The following PLEKHS1 variants were observed in gnomAD, a reference collection of about 807,000 sequenced individuals.
PLEKHS1 encodes pleckstrin homology domain-containing family S member 1.
A neutral mutation model predicts 51.0 loss-of-function variants in PLEKHS1; 55 were observed. The ratio of observed to expected loss-of-function variants is 1.08; its 90% CI spans 0.87 to 1.35. The LOEUF is 1.35. PLEKHS1 is among the 40% of genes most tolerant of loss of function. PLEKHS1 has a pLI of 0.00. For missense variants in PLEKHS1, 398 were observed against 423.0 expected, an observed-to-expected ratio of 0.94 and a Z score of 0.52; for synonymous variants, 153 against 144.8, an observed-to-expected ratio of 1.06 and a Z score of -0.41.
downstream of PLEKHS1, chr10:113,783,411 T>A (rs1301394014): frequency 2.0e-5 from 3 of 152,298 alleles, no homozygotes; most frequent in East Asian, 5.8e-4. Flanking sequence ...TACAAATAAA[T>A]GTTTGGTGTT....
chr10:113,770,610 T>A (rs1021711269), intron 7 of PLEKHS1, among the ~76,000 whole-genome samples: 2 of 152,216 alleles, frequency 1.3e-5, no homozygotes, highest in African/African-American at 4.8e-5. Context: ...GTCCCTTGTT[T>A]TATCTAGTTG....
At chr10:113,770,495 T>G (rs539388034) in intron 7 of PLEKHS1, among the ~76,000 whole-genome samples, 143 of 152,366 alleles carry the variant, frequency 9.4e-4, no homozygotes, top group Non-Finnish European at 1.9e-3. Context: ...GTCATAAACA[T>G]GCTGAGTGGT....
chr10:113,768,936 C>A, intron 6 of PLEKHS1, 46 bp downstream of exon 6: 1 of 1,433,408 alleles, frequency 7.0e-7, no homozygotes, highest in Non-Finnish European at 9.6e-7. Context: ...TGAACACAAC[C>A]CTCTTTCAAT....
intron 11 of PLEKHS1, among the ~76,000 whole-genome samples, chr10:113,779,955 T>A (rs1009706035): frequency 1.3e-5 from 2 of 152,256 alleles, no homozygotes; most frequent in African/African-American, 2.4e-5. Context: ...GGGTATCCAC[T>A]GCTCTTTTAA....
chr10:113,767,506 A>G (rs371170210), intron 5 of PLEKHS1, 27 bp downstream of exon 5: 8 of 1,580,582 alleles, frequency 5.1e-6, no homozygotes, highest in Non-Finnish European at 6.9e-6. Flanking sequence ...AACACAGAAT[A>G]TCTACTGCAT....
chr10:113,771,652 G>A (rs1276617799), intron 7 of PLEKHS1, among the ~76,000 whole-genome samples: 4 of 147,006 alleles, frequency 2.7e-5, no homozygotes, highest in African/African-American at 7.6e-5. Flanking sequence ...TCCAGCCTGG[G>A]GGACAGAGTG....
At chr10:113,761,892 G>A (rs1233046396) in intron 2 of PLEKHS1, among the ~76,000 whole-genome samples, 2 of 151,994 alleles carry the variant, frequency 1.3e-5, no homozygotes, top group African/African-American at 4.8e-5. Flanking sequence ...GAGGCTTTGT[G>A]TAGAATTGAT....
chr10:113,755,260 G>A (rs1854056050), exon 2 of PLEKHS1: 1 of 1,606,882 alleles, frequency 6.2e-7, no homozygotes, highest in Middle Eastern at 1.7e-4. Context: ...TTTTGACAGG[G>A]GAGGACACAC....
exon 7 of PLEKHS1, chr10:113,769,894 A>T: frequency 6.2e-7 from 1 of 1,610,712 alleles, no homozygotes; most frequent in South Asian, 1.1e-5. Context: ...ATGGTCTCCA[A>T]GACAAGGTAA....
chr10:113,771,302 T>G (rs1593033508), intron 7 of PLEKHS1: 1 of 152,224 alleles, frequency 6.6e-6, no homozygotes, highest in East Asian at 1.9e-4. Context: ...GATTCTGGGT[T>G]AATTACATTC....
In PLEKHS1 at chr10:113,752,246, G is replaced by A. The variant is rs529774055; in HGVS notation, c.-20+485G>A. On this transcript the variant is annotated intron_variant, in intron 1 of 11. Transcript: ENST00000361048. ...TAATCTCTCCGATAACCATTTCCTC[G>A]TCTGTAAATGGGCATTGTATCATTG... Among the ~76,000 whole-genome samples the A allele has an allele frequency of 2.8e-4, 43 of 152,206 alleles. No individual in the cohort carries two copies. The South Asian group carries it at 6.2e-3, about 22-fold the overall frequency.
chr10:113,777,536 T>C (rs1439439759), intron 11 of PLEKHS1: 1 of 1,553,362 alleles, frequency 6.4e-7, no homozygotes, highest in African/African-American at 1.4e-5. Context: ...GGAATCAGAC[T>C]GGTGCAGGGA....
At chr10:113,778,736 C>T (rs1051537332) in intron 11 of PLEKHS1, among the ~76,000 whole-genome samples, 4 of 150,618 alleles carry the variant, frequency 2.7e-5, no homozygotes, top group East Asian at 2.0e-4. Flanking sequence ...CTCCGCCTGC[C>T]GGGTTCACAC....
chr10:113,754,882 C>T (rs181964171), intron 1 of PLEKHS1, among the ~76,000 whole-genome samples: 16 of 152,320 alleles, frequency 1.1e-4, no homozygotes, highest in Admixed American at 3.9e-4. Context: ...TTCTCGGCTA[C>T]GTTGGCTCCA....
intron 2 of PLEKHS1, among the ~76,000 whole-genome samples, chr10:113,761,684 C>T (rs1280558637): frequency 1.3e-5 from 2 of 152,058 alleles, no homozygotes; most frequent in Non-Finnish European, 2.9e-5. Flanking sequence ...GGATTTTTAA[C>T]ATATGAGATT....
intron 5 of PLEKHS1, among the ~76,000 whole-genome samples, chr10:113,768,516 G>C (rs1457498146): frequency 6.6e-6 from 1 of 152,180 alleles, no homozygotes; most frequent in African/African-American, 2.4e-5. Flanking sequence ...AGGTTAGGGG[G>C]CTTGCTTGAG....
chr10:113,761,991 A>G (rs1843951216), intron 2 of PLEKHS1, among the ~76,000 whole-genome samples: 1 of 152,064 alleles, frequency 6.6e-6, no homozygotes, highest in East Asian at 1.9e-4. Context: ...CAATTTCTTT[A>G]ATAACTATAG....
intron 7 of PLEKHS1, among the ~76,000 whole-genome samples, chr10:113,771,011 C>G (rs1844377745): frequency 6.6e-6 from 1 of 152,176 alleles, no homozygotes; most frequent in South Asian, 2.1e-4. Flanking sequence ...TAAAACTTGA[C>G]TTTTTTTCTA....
At chr10:113,769,334 G>A (rs1844297289) in intron 6 of PLEKHS1, among the ~76,000 whole-genome samples, 2 of 152,162 alleles carry the variant, frequency 1.3e-5, no homozygotes, top group Admixed American at 6.5e-5. Context: ...TTTCAAAAGG[G>A]CCTCTGCTAA....
Sources: gnomAD v4.1 joint callset for allele counts (sites outside exome capture counted in the v4.1 genomes callset) on GRCh38, gnomAD v4.1.1 for gene constraint, MANE v1.5 for transcripts, NCBI Gene and HGNC (gene_info 2026-07-23, HGNC 2026-07-21) for gene names.